The following FAM110B variants were observed in gnomAD, a reference collection of about 807,000 sequenced individuals.
The protein encoded by FAM110B is protein FAM110B.
A neutral mutation model predicts 20.4 loss-of-function variants in FAM110B; 6 were observed. The ratio of observed to expected loss-of-function variants is 0.29; its 90% confidence interval spans 0.16 to 0.58. The LOEUF (loss-of-function observed/expected upper bound fraction) is 0.58. FAM110B is among the 20% of genes least tolerant of loss of function. The pLI, the probability that FAM110B is intolerant of heterozygous loss-of-function variation, is 0.90. For missense variants in FAM110B, 434 were observed against 498.2 expected, an observed-to-expected ratio of 0.87 and a Z score of 1.23; for synonymous variants, 226 against 214.1, an observed-to-expected ratio of 1.06 and a Z score of -0.49.
At chr8:58,034,678 C>T (rs1334153588) in intron 2 of FAM110B, among the ~76,000 whole-genome samples, 1 of 152,150 alleles carries the variant, frequency 6.6e-6, no homozygotes, top group Non-Finnish European at 1.5e-5. Flanking sequence ...TGAGCTGGCA[C>T]ATGAGAAGTG....
At chr8:58,093,224 C>G (rs533284379) in intron 3 of FAM110B, among the ~76,000 whole-genome samples, 1 of 152,036 alleles carries the variant, frequency 6.6e-6, no homozygotes. Context: ...ATGATAGTTT[C>G]TTTTGCTATG....
At chr8:58,015,844 CAAAAA>C (rs11318984) in intron 1 of FAM110B, among the ~76,000 whole-genome samples, 1 of 101,544 alleles carries the variant, frequency 9.8e-6, no homozygotes. Context: ...GACTTTGTCT[CAAAAA>C]AAAAAAAAAA....
chr8:58,132,829 C>T (rs1803509505), intron 3 of FAM110B, among the ~76,000 whole-genome samples: 1 of 152,134 alleles, frequency 6.6e-6, no homozygotes, highest in African/African-American at 2.4e-5. Context: ...CTTGTTAAAA[C>T]GTAGGAGAAA....
At chr8:58,090,704 A>T (rs1382511365) in intron 3 of FAM110B, among the ~76,000 whole-genome samples, 1 of 152,126 alleles carries the variant, frequency 6.6e-6, no homozygotes, top group Non-Finnish European at 1.5e-5. Context: ...CTCAAAATAA[A>T]GGCTAAAGTA....
At chr8:58,015,137 C>T (rs1804612459) in intron 1 of FAM110B, among the ~76,000 whole-genome samples, 1 of 152,176 alleles carries the variant, frequency 6.6e-6, no homozygotes, top group South Asian at 2.1e-4. Context: ...AGGTGGATCA[C>T]TTGAGGTCAG....
Position 58,044,420 on chromosome 8 carries a change from G to A in FAM110B, c.-414+12717G>A, listed in dbSNP as rs141214495. Among the ~76,000 whole-genome samples the A allele has an allele frequency of 7.4e-4, 113 of 152,248 alleles. 1 individual carries two copies. Among genetic ancestry groups the A allele is most frequent in the Admixed American group, 3.8e-3 (58 of 15,304 alleles). On this transcript the variant is annotated intron_variant, in intron 2 of 3. Coordinates refer to ENST00000519262, the MANE Select transcript of FAM110B (RefSeq NM_001377989.1). ...CTTTATAGGCTTACCTCAGTGCATC[G>A]AAGCTACCTTTCAGTTAAAAATGTA...
At position 58,146,944 on chromosome 8, in the gene FAM110B, C is replaced by G. The variant is rs1312981902; in HGVS notation, c.714C>G (p.Ser238=). Reference sequence around the variant, plus strand: ...TCGCAGCCATCGCCTCCATGAAGTCCCCCGAGGCCGACCCTGTGGAACCAG... The same window carrying G: ...TCGCAGCCATCGCCTCCATGAAGTCGCCCGAGGCCGACCCTGTGGAACCAG... ...PKIAAIASMK[S]PEADPVEPAC... The change falls in exon 4 of 4, where the codon TCC becomes TCG. Residue 238 remains serine (S), a synonymous_variant. Coordinates refer to ENST00000519262, the MANE Select transcript of FAM110B (RefSeq NM_001377989.1). The G allele has an allele frequency of 7.4e-6, 12 of 1,614,096 alleles. No individual in the cohort carries two copies. The highest frequency in any genetic ancestry group is 9.3e-6 in the Non-Finnish European group (11 of 1,180,042).
chr8:58,080,556 A>G (rs1806163415), intron 3 of FAM110B, among the ~76,000 whole-genome samples: 1 of 152,176 alleles, frequency 6.6e-6, no homozygotes, highest in South Asian at 2.1e-4. Flanking sequence ...GAAAGCACTC[A>G]TGCATTCTGA....
chr8:58,020,606 A>G (rs563249110), intron 1 of FAM110B, among the ~76,000 whole-genome samples: 1 of 152,316 alleles, frequency 6.6e-6, no homozygotes, highest in African/African-American at 2.4e-5. Context: ...TTGGTCTACA[A>G]TTTTAGATCT....
chr8:58,012,377 A>G (rs1025766074), intron 1 of FAM110B, among the ~76,000 whole-genome samples: 20 of 152,140 alleles, frequency 1.3e-4, no homozygotes, highest in African/African-American at 4.6e-4. Context: ...TTTAAACTCT[A>G]CACCGAGAAG....
chr8:58,042,567 G>A (rs1181804567), intron 2 of FAM110B, among the ~76,000 whole-genome samples: 1 of 152,226 alleles, frequency 6.6e-6, no homozygotes, highest in Non-Finnish European at 1.5e-5. Flanking sequence ...TTGGTTGCAA[G>A]AGGTACTGTG....
At chr8:58,061,199 C>CT (rs1388998301) in intron 2 of FAM110B, among the ~76,000 whole-genome samples, 5 of 152,160 alleles carry the variant, frequency 3.3e-5, no homozygotes, top group African/African-American at 1.2e-4. Context: ...ATTATAAAAG[C>CT]TTCTTTGGTC....
At chr8:58,120,156 C>T (rs1807320553) in intron 3 of FAM110B, among the ~76,000 whole-genome samples, 1 of 152,184 alleles carries the variant, frequency 6.6e-6, no homozygotes, top group African/African-American at 2.4e-5. Flanking sequence ...GATAGGCAAA[C>T]TATGTTTGCA....
chr8:58,135,550 C>T (rs1168778066), intron 3 of FAM110B, among the ~76,000 whole-genome samples: 1 of 152,126 alleles, frequency 6.6e-6, no homozygotes, highest in Non-Finnish European at 1.5e-5. Flanking sequence ...AGGCTGTTTA[C>T]TAGAAATTAA....
intron 2 of FAM110B, among the ~76,000 whole-genome samples, chr8:58,038,950 G>A (rs984771567): frequency 2.6e-5 from 4 of 152,192 alleles, no homozygotes; most frequent in African/African-American, 7.2e-5. Flanking sequence ...CTGGGCACCC[G>A]CTGTGCGGTG....
intron 3 of FAM110B, among the ~76,000 whole-genome samples, chr8:58,135,998 A>C (rs1803601901): frequency 1.4e-5 from 2 of 140,642 alleles, no homozygotes; most frequent in African/African-American, 5.3e-5. Flanking sequence ...AGTAGCCAGC[A>C]AGTCCTTTTT....
intron 3 of FAM110B, among the ~76,000 whole-genome samples, chr8:58,086,780 T>C (rs1027204372): frequency 6.6e-6 from 1 of 152,238 alleles, no homozygotes; most frequent in Non-Finnish European, 1.5e-5. Context: ...TCCATTTCAA[T>C]AGAGGTATAT....
intron 2 of FAM110B, among the ~76,000 whole-genome samples, chr8:58,032,898 A>G (rs1804996576): frequency 6.6e-6 from 1 of 152,142 alleles, no homozygotes. Flanking sequence ...CATCGATTTC[A>G]TTTTAAAAAA....
intron 3 of FAM110B, among the ~76,000 whole-genome samples, chr8:58,103,343 C>T (rs1286546029): frequency 6.8e-6 from 1 of 146,146 alleles, no homozygotes; most frequent in South Asian, 2.3e-4. Context: ...CCACAACAGT[C>T]CCCAGAGTGT....
Sources: allele counts gnomAD v4.1 joint callset (sites outside exome capture counted in the v4.1 genomes callset), GRCh38; gene constraint gnomAD v4.1.1; transcripts MANE v1.5; gene names NCBI Gene and HGNC (gene_info 2026-07-23, HGNC 2026-07-21).